Variants in KAT6A observed in about 807,000 individuals in gnomAD.
The protein encoded by KAT6A is lysine acetyltransferase 6A.
In KAT6A, 9 loss-of-function variants were observed where a neutral mutation model predicts 198.4. That is an observed-to-expected ratio of 0.05 (90% CI 0.03 to 0.08). The LOEUF (loss-of-function observed/expected upper bound fraction) is 0.08, where lower values mean the gene tolerates loss of function less well. Among genes scored for constraint, KAT6A ranks in the 10% least tolerant of loss-of-function variants. KAT6A has a pLI of 1.00. For synonymous variants in KAT6A, 890 were observed against 883.0 expected, an observed-to-expected ratio of 1.01 and a Z score of -0.14; for missense variants, 2,077 against 2,509.9, an observed-to-expected ratio of 0.83 and a Z score of 3.69.
chr8:41,989,805 G>C (rs1564047527), intron 2 of KAT6A, among the ~76,000 whole-genome samples: 2 of 152,200 alleles, frequency 1.3e-5, no homozygotes, highest in Non-Finnish European at 2.9e-5. Context: ...GTGGCTGGCA[G>C]AGAATAAGCC....
chr8:42,028,689 A>C (rs1587843679), intron 2 of KAT6A, among the ~76,000 whole-genome samples: 1 of 152,218 alleles, frequency 6.6e-6, no homozygotes, highest in African/African-American at 2.4e-5. Flanking sequence ...GTTTATCTAC[A>C]TATTTTAAGT....
chr8:41,994,274 G>A (rs1825082961), intron 2 of KAT6A, among the ~76,000 whole-genome samples: 1 of 152,152 alleles, frequency 6.6e-6, no homozygotes, highest in Admixed American at 6.5e-5. Context: ...TCATTCAGCT[G>A]CCCCCAACTC....
At chr8:41,965,927 A>G (rs192046992) in intron 8 of KAT6A, among the ~76,000 whole-genome samples, 61 of 152,316 alleles carry the variant, frequency 4.0e-4, no homozygotes, top group African/African-American at 1.4e-3. Flanking sequence ...CCCATTAAAT[A>G]TAAGTCACAT....
chr8:41,947,524 C>A (rs1352540289), intron 11 of KAT6A, among the ~76,000 whole-genome samples: 1 of 152,158 alleles, frequency 6.6e-6, no homozygotes. Context: ...AAAACCTTCC[C>A]CGTGAGTATT....
intron 16 of KAT6A, among the ~76,000 whole-genome samples, chr8:41,936,409 G>A (rs1821858843): frequency 6.6e-6 from 1 of 152,146 alleles, no homozygotes; most frequent in Non-Finnish European, 1.5e-5. Flanking sequence ...AAAGCTAAAG[G>A]TTTATGTACC....
chr8:41,981,059 C>T, intron 4 of KAT6A, 132 bp from the exon 5 acceptor site: 2 of 665,988 alleles, frequency 3.0e-6, no homozygotes, highest in South Asian at 1.6e-5. Context: ...ATGGCTCACG[C>T]CTGTAATCCC....
At chr8:42,010,174 G>A (rs1462925746) in intron 2 of KAT6A, among the ~76,000 whole-genome samples, 6 of 151,908 alleles carry the variant, frequency 3.9e-5, no homozygotes, top group Non-Finnish European at 4.4e-5. Context: ...GTGTGGTCGC[G>A]CACGCATGTA....
chr8:41,949,593 T>A (rs564625178), intron 9 of KAT6A, among the ~76,000 whole-genome samples: 1 of 152,346 alleles, frequency 6.6e-6, no homozygotes, highest in East Asian at 1.9e-4. Flanking sequence ...TTAGTTGCTA[T>A]CAATTTGGAT....
At chr8:42,003,443 CTCT>C (rs1825594647) in intron 2 of KAT6A, among the ~76,000 whole-genome samples, 1 of 144,874 alleles carries the variant, frequency 6.9e-6, no homozygotes, top group African/African-American at 2.6e-5. Flanking sequence ...TAATTCAAAC[CTCT>C]TTTTTTTTTT....
chr8:41,962,927 T>C, intron 8 of KAT6A, among the ~76,000 whole-genome samples: 1 of 152,098 alleles, frequency 6.6e-6, no homozygotes, highest in East Asian at 1.9e-4. Flanking sequence ...ACATGTTTCA[T>C]CCCCTCACCT....
chr8:41,936,004 G>A (rs896640395), intron 16 of KAT6A, among the ~76,000 whole-genome samples: 17 of 152,104 alleles, frequency 1.1e-4, no homozygotes, highest in Non-Finnish European at 1.3e-4. Flanking sequence ...GCTCACACCT[G>A]TAATCCCAGC....
chr8:41,972,821 C>G (rs1823862919), intron 8 of KAT6A, among the ~76,000 whole-genome samples: 1 of 152,188 alleles, frequency 6.6e-6, no homozygotes, highest in East Asian at 1.9e-4. Context: ...GATATTAACA[C>G]ATTATGTCTG....
intron 8 of KAT6A, among the ~76,000 whole-genome samples, chr8:41,968,524 G>C (rs999118185): frequency 2.0e-5 from 3 of 152,162 alleles, no homozygotes; most frequent in African/African-American, 7.2e-5. Flanking sequence ...TACACTGTTG[G>C]TGGGACTGTA....
intron 2 of KAT6A, among the ~76,000 whole-genome samples, chr8:42,033,635 C>T (rs1827236714): frequency 6.6e-6 from 1 of 152,124 alleles, no homozygotes; most frequent in Non-Finnish European, 1.5e-5. Context: ...AACAGACTTC[C>T]CTGACTTTTT....
At chr8:42,038,735 C>G (rs1020229815) in intron 2 of KAT6A, among the ~76,000 whole-genome samples, 1 of 152,128 alleles carries the variant, frequency 6.6e-6, no homozygotes, top group Non-Finnish European at 1.5e-5. Flanking sequence ...AGATACAAGT[C>G]TTTTTTTCTA....
intron 12 of KAT6A, 102 bp downstream of exon 12, chr8:41,946,489 T>TACAC (rs1418229529): frequency 2.9e-5 from 13 of 453,858 alleles, no homozygotes; most frequent in African/African-American, 6.4e-5. Context: ...TAAATATATA[T>TACAC]ATATACACAC....
At chr8:42,048,056 G>A (rs1022512819) in intron 2 of KAT6A, among the ~76,000 whole-genome samples, 4 of 151,714 alleles carry the variant, frequency 2.6e-5, no homozygotes, top group East Asian at 1.9e-4. Context: ...AAAGTCTCAC[G>A]CTGGAGTACT....
Position 41,934,216 on chromosome 8 carries a change from T to C in KAT6A, c.4004A>G (p.Gln1335Arg), listed in dbSNP as rs1414219848. The C allele has an allele frequency of 1.2e-6, 2 of 1,614,086 alleles. No homozygotes were observed. Among genetic ancestry groups the C allele is most frequent in the Non-Finnish European group, 1.7e-6 (2 of 1,180,042 alleles). ...CTCCTTGACATCTTCCCTCGTGGGCTGTTCCTCTAGCTCCTTTTTCTTTGT... is the reference window on the plus strand; with the variant it reads ...CTCCTTGACATCTTCCCTCGTGGGCCGTTCCTCTAGCTCCTTTTTCTTTGT... ...ESTKKKELEEQPTREDVKEEP... is the reference protein window; with the variant it reads ...ESTKKKELEERPTREDVKEEP... The change falls in exon 17 of 17, where the codon CAG (glutamine) becomes CGG (arginine). Residue 1335 changes from glutamine (Q) to arginine (R), a missense_variant. Around this residue, in one of 13 missense-constraint regions of KAT6A, gnomAD observed 375 missense variants for 383.0 expected, o/e 0.98. Coordinates refer to ENST00000265713, the MANE Select transcript of KAT6A (RefSeq NM_006766.5).
chr8:42,023,115 G>C (rs989637058), intron 2 of KAT6A, among the ~76,000 whole-genome samples: 4 of 152,152 alleles, frequency 2.6e-5, no homozygotes, highest in Admixed American at 6.5e-5. Context: ...ACAATGGTAA[G>C]ATTTTGAGTA....
Sources: allele counts gnomAD v4.1 joint callset (sites outside exome capture counted in the v4.1 genomes callset), GRCh38; gene constraint gnomAD v4.1.1; regional missense constraint gnomAD v4.1.1; transcripts MANE v1.5; gene names NCBI Gene and HGNC (gene_info 2026-07-23, HGNC 2026-07-21).